MGAT4C: variants seen among roughly 807,000 people sequenced by gnomAD.
The protein encoded by MGAT4C is alpha-1,3-mannosyl-glycoprotein 4-beta-N-acetylglucosaminyltransferase C.
MGAT4C carries 19 observed loss-of-function variants against 40.1 expected under a neutral mutation model. The observed-to-expected ratio is 0.47, with a 90% CI of 0.33 to 0.70. MGAT4C has a LOEUF of 0.70. MGAT4C is among the 30% of genes least tolerant of loss of function. The probability of loss-of-function intolerance (pLI) is 0.02; values close to 1 mark genes in which losing one functional copy is unlikely to be tolerated. For missense variants in MGAT4C, 491 were observed against 563.2 expected (o/e 0.87, Z 1.30); for synonymous variants, 181 against 187.1 (o/e 0.97, Z 0.27).
chr12:86,316,524 A>G (rs1195330522), intron 4 of MGAT4C, among the ~76,000 whole-genome samples: 4 of 152,228 alleles, frequency 2.6e-5, no homozygotes, highest in Non-Finnish European at 5.9e-5. Flanking sequence ...ACCATGGGAC[A>G]CTAGGCAGCC....
chr12:86,444,466 C>T (rs1957297314), intron 2 of MGAT4C, among the ~76,000 whole-genome samples: 1 of 152,096 alleles, frequency 6.6e-6, no homozygotes, highest in South Asian at 2.1e-4. Context: ...GGTCTGCAAC[C>T]TGACCTTTTT....
intron 2 of MGAT4C, among the ~76,000 whole-genome samples, chr12:86,582,262 T>C (rs1312840301): frequency 1.3e-5 from 2 of 151,410 alleles, no homozygotes; most frequent in Non-Finnish European, 3.0e-5. Flanking sequence ...AGGAGACTGT[T>C]TATAATTTTT....
intron 4 of MGAT4C, among the ~76,000 whole-genome samples, chr12:86,307,499 G>A (rs1953964369): frequency 6.7e-6 from 1 of 150,258 alleles, no homozygotes; most frequent in Non-Finnish European, 1.5e-5. Flanking sequence ...CTAATCAAAA[G>A]GGTCTACTTA....
intron 1 of MGAT4C, among the ~76,000 whole-genome samples, chr12:86,793,646 G>T (rs996738754): frequency 6.6e-6 from 1 of 151,794 alleles, no homozygotes; most frequent in Non-Finnish European, 1.5e-5. Flanking sequence ...ATATGTACCT[G>T]GCAATGTTTC....
At chr12:86,748,444 C>A (rs888252012) in intron 1 of MGAT4C, among the ~76,000 whole-genome samples, 1 of 151,656 alleles carries the variant, frequency 6.6e-6, no homozygotes, top group Non-Finnish European at 1.5e-5. Flanking sequence ...AATTTTGGCT[C>A]ATGTACCTAA....
intron 3 of MGAT4C, among the ~76,000 whole-genome samples, chr12:86,408,810 T>C (rs369216094): frequency 5.9e-5 from 9 of 152,108 alleles, no homozygotes; most frequent in Middle Eastern, 3.4e-3. Flanking sequence ...TCTGTCTCCA[T>C]TTTTCCAGAA....
intron 4 of MGAT4C, among the ~76,000 whole-genome samples, chr12:86,330,329 T>C (rs1229831715): frequency 6.6e-6 from 1 of 152,208 alleles, no homozygotes; most frequent in East Asian, 1.9e-4. Context: ...TTCCACCCCA[T>C]GGATAAAAAT....
intron 1 of MGAT4C, among the ~76,000 whole-genome samples, chr12:86,795,852 C>G (rs985647570): frequency 6.6e-6 from 1 of 151,944 alleles, no homozygotes; most frequent in East Asian, 1.9e-4. Flanking sequence ...GATTTTGAAT[C>G]CTACTGCTTT....
rs898445863 is a variant in MGAT4C, at chr12:86,742,831, T to C, written c.-261-15590A>G. ...ATAATAAAAAAATAATACTAACATATCTTAAATCTTCCATCTTGATTAAAT... is the reference window on the plus strand; with the variant it reads ...ATAATAAAAAAATAATACTAACATACCTTAAATCTTCCATCTTGATTAAAT... On this transcript the variant is annotated intron_variant, in intron 1 of 7. Transcript: ENST00000548651. Among the ~76,000 whole-genome samples the C allele has an allele frequency of 4.6e-5, 7 of 151,696 alleles. No individual in the cohort carries two copies. The East Asian group carries it at 5.8e-4, about 13-fold the overall frequency.
intron 1 of MGAT4C, among the ~76,000 whole-genome samples, chr12:86,075,488 G>T (rs1047035803): frequency 6.6e-6 from 1 of 152,152 alleles, no homozygotes; most frequent in Non-Finnish European, 1.5e-5. Context: ...CCATTCTGGG[G>T]TCTGGAAGAC....
intron 1 of MGAT4C, among the ~76,000 whole-genome samples, chr12:86,172,269 C>G (rs530563844): frequency 6.6e-6 from 1 of 152,194 alleles, no homozygotes; most frequent in East Asian, 1.9e-4. Context: ...CTTGTTTTAT[C>G]TGGGAAATAT....
At chr12:86,691,044 G>T (rs777247599) in intron 2 of MGAT4C, among the ~76,000 whole-genome samples, 1 of 152,112 alleles carries the variant, frequency 6.6e-6, no homozygotes, top group Non-Finnish European at 1.5e-5. Context: ...TGGAATAAAT[G>T]GCACGATAGT....
intron 2 of MGAT4C, among the ~76,000 whole-genome samples, chr12:86,028,527 G>A (rs1890449784): frequency 6.6e-6 from 1 of 151,792 alleles, no homozygotes; most frequent in South Asian, 2.1e-4. Context: ...GCTCATTGAA[G>A]GCAAGAAATT....
At chr12:86,356,587 C>G (rs1267021680) in intron 3 of MGAT4C, among the ~76,000 whole-genome samples, 1 of 152,170 alleles carries the variant, frequency 6.6e-6, no homozygotes. Context: ...GTAGCCGTGA[C>G]AGATGGTACC....
rs546575601 is a variant in MGAT4C, at chr12:86,261,832, A to C, written c.-57+72233T>G. On this transcript the variant is annotated intron_variant, in intron 4 of 7. Coordinates refer to the MGAT4C transcript ENST00000548651. ...GAATCACATTACAGAATGTAAATGA[A>C]GGAAACTCTTAACATCCCTCCCCCA... Among the ~76,000 whole-genome samples the C allele has an allele frequency of 2.6e-5, 4 of 152,210 alleles. No homozygotes were observed. The South Asian group carries it at 8.3e-4, about 32-fold the overall frequency.
Position 86,382,700 on chromosome 12 carries a change from G to T in MGAT4C, c.-119-48573C>A, listed in dbSNP as rs1308088723. ...CGTGCTGTGTGCAGTCTAGGGACTT[G>T]GTGCCCTGCATCCTAGCTGCTCCAG... On this transcript the variant is annotated intron_variant, in intron 3 of 7. Coordinates refer to the MGAT4C transcript ENST00000548651. 2.6e-5 allele frequency among the ~76,000 whole-genome samples: 4 copies of T among 152,332 alleles called. No individual in the cohort carries two copies. In the South Asian group the frequency reaches 8.3e-4, roughly 32 times the overall value.
intron 1 of MGAT4C, among the ~76,000 whole-genome samples, chr12:86,773,942 C>CT (rs1565980916): frequency 5.6e-5 from 6 of 106,520 alleles, no homozygotes; most frequent in Non-Finnish European, 7.7e-5. Flanking sequence ...TTTAAAGTAA[C>CT]TTCTTTTTTT....
At position 86,489,222 on chromosome 12, in the gene MGAT4C, T is replaced by C. The variant is rs112131799; in HGVS notation, c.-228-53957A>G. On this transcript the variant is annotated intron_variant, in intron 2 of 7. Transcript: ENST00000548651. ...GCAACTTAACTTCAGAAGAGAGAGG[T>C]AGAGAGGTGGCTTGACTTCAGGCAA... 3.3e-3 allele frequency among the ~76,000 whole-genome samples: 499 copies of C among 152,034 alleles called. 2 individuals carry two copies. The highest frequency in any genetic ancestry group is 0.012 in the African/African-American group (482 of 41,488).
chr12:86,543,523 A>G (rs1209409688), intron 2 of MGAT4C, among the ~76,000 whole-genome samples: 1 of 152,030 alleles, frequency 6.6e-6, no homozygotes, highest in East Asian at 1.9e-4. Context: ...GGAATTACAT[A>G]TCTACTATGT....
Sources: allele counts gnomAD v4.1 joint callset (sites outside exome capture counted in the v4.1 genomes callset), GRCh38; gene constraint gnomAD v4.1.1; transcripts MANE v1.5; gene names NCBI Gene and HGNC (gene_info 2026-07-23, HGNC 2026-07-21).